The following SMAD4 variants were observed in gnomAD, a reference collection of about 807,000 sequenced individuals.
The protein encoded by SMAD4 is MAD homolog 4.
SMAD4 carries 7 observed loss-of-function variants against 63.2 expected under a neutral mutation model. The ratio of observed to expected loss-of-function variants is 0.11; its 90% CI spans 0.06 to 0.21. The LOEUF is 0.21. Among genes scored for constraint, SMAD4 ranks in the 10% least tolerant of loss-of-function variants. The pLI, the probability that SMAD4 is intolerant of heterozygous loss-of-function variation, is 1.00. For synonymous variants in SMAD4, 215 were observed against 235.4 expected (o/e 0.91, Z 0.79); for missense variants, 312 against 693.8 (o/e 0.45, Z 6.18).
chr18:51,039,557 C>T (rs1046162084), intron 1 of SMAD4, among the ~76,000 whole-genome samples: 3 of 139,670 alleles, frequency 2.1e-5, no homozygotes, highest in Non-Finnish European at 3.0e-5. Context: ...GCCTGCCTTG[C>T]GTTCTTTTTC....
At position 51,081,479 on chromosome 18, in the gene SMAD4, GC is replaced by G. The variant is rs1910611997; in HGVS notation, c.*3013del. The G allele has an allele frequency of 4.3e-6, 1 of 231,080 alleles. No homozygotes were observed. Among genetic ancestry groups the G allele is most frequent in the African/African-American group, 2.2e-5 (1 of 45,192 alleles). 14.3% of individuals were successfully genotyped at this position (231,080 alleles called of 1,614,324 possible). On this transcript the variant is annotated 3_prime_UTR_variant, in exon 12 of 12. Transcript: ENST00000342988. ...CAATAAATCACTGCCATATAACCTT[GC>G]TTTTTCCAGAAACATGGCTGTTTTG...
chr18:51,069,840 A>G (rs1230525815), intron 10 of SMAD4, among the ~76,000 whole-genome samples: 1 of 152,064 alleles, frequency 6.6e-6, no homozygotes, highest in Admixed American at 6.5e-5. Flanking sequence ...CTCTCTCCAT[A>G]TTATTCCAAG....
chr18:51,037,614 A>G (rs1909243526), intron 1 of SMAD4, among the ~76,000 whole-genome samples: 1 of 152,248 alleles, frequency 6.6e-6, no homozygotes, highest in African/African-American at 2.4e-5. Flanking sequence ...TCTTTTTAAT[A>G]GTGTGATTAA....
intron 2 of SMAD4, among the ~76,000 whole-genome samples, chr18:51,047,848 A>G (rs1909593240): frequency 1.3e-5 from 2 of 152,070 alleles, no homozygotes; most frequent in Non-Finnish European, 2.9e-5. Context: ...ACCTCAGGTG[A>G]TCCACCCGCC....
At position 51,058,341 on chromosome 18, in the gene SMAD4, C is replaced by T. The variant is rs763510526; in HGVS notation, c.789C>T (p.Asn263=). Residue 263 remains asparagine (N), a splice_region_variant and synonymous_variant, in exon 7 of 12, where the codon AAC becomes AAT. Transcript: ENST00000342988. ...FTGQPATYHH[N]STTTWTGSRT... ...ACCCATGTGGGCCTTAATTTTTAGA[C>T]AGCACTACCACCTGGACTGGAAGTA... 16 of 1,613,674 alleles carry T rather than the reference C, an allele frequency of 9.9e-6. No individual in the cohort carries two copies. Among genetic ancestry groups the T allele is most frequent in the Non-Finnish European group, 1.4e-5 (16 of 1,179,712 alleles).
At chr18:51,038,022 T>C (rs1407588420) in intron 1 of SMAD4, among the ~76,000 whole-genome samples, 1 of 152,172 alleles carries the variant, frequency 6.6e-6, no homozygotes, top group African/African-American at 2.4e-5. Context: ...GGCACGATGA[T>C]GCACACCCAT....
intron 1 of SMAD4, among the ~76,000 whole-genome samples, chr18:51,041,955 C>T (rs1056990637): frequency 6.6e-6 from 1 of 152,136 alleles, no homozygotes; most frequent in Non-Finnish European, 1.5e-5. Context: ...CATTTATAGT[C>T]CCAAATCACT....
intron 1 of SMAD4, among the ~76,000 whole-genome samples, chr18:51,034,250 C>CTTTTTTTTT (rs1430594791): frequency 2.4e-5 from 3 of 126,290 alleles, no homozygotes; most frequent in Admixed American, 8.1e-5. Context: ...TCTTCTTTTT[C>CTTTTTTTTT]TTTTTTTTTT....
In SMAD4 at chr18:51,059,850, G is replaced by T. The variant is rs968227540; in HGVS notation, c.905-16G>T. 1 of 1,604,864 alleles carries T rather than the reference G, an allele frequency of 6.2e-7. No individual in the cohort carries two copies. The highest frequency in any genetic ancestry group is 8.5e-7 in the Non-Finnish European group (1 of 1,172,730). ...TTTAGTAAATAAAAATGGAATTTTT[G>T]TTGTCTTTTCTTTAGGGCCTGTTCA... On this transcript the variant is annotated splice_polypyrimidine_tract_variant and intron_variant, in intron 7 of 11. Transcript: ENST00000342988.
chr18:51,059,829 G>A (rs2144432884), intron 7 of SMAD4, 37 bp from the exon 8 acceptor site: 1 of 1,547,146 alleles, frequency 6.5e-7, no homozygotes, highest in Non-Finnish European at 8.9e-7. Flanking sequence ...ACAACTTTTA[G>A]TAAATAAAAA....
intron 1 of SMAD4, among the ~76,000 whole-genome samples, chr18:51,037,196 A>G (rs542123722): frequency 8.5e-5 from 13 of 152,232 alleles, no homozygotes; most frequent in Non-Finnish European, 1.6e-4. Context: ...AAACAAAAAA[A>G]GTTTTATAAA....
intron 11 of SMAD4, chr18:51,077,536 G>A (rs1910501126): frequency 5.0e-6 from 1 of 198,600 alleles, no homozygotes; most frequent in African/African-American, 2.4e-5. Flanking sequence ...TGGACTATAT[G>A]ACTGTATGTT....
chr18:51,074,231 A>AG (rs759175186), intron 10 of SMAD4, among the ~76,000 whole-genome samples: 5 of 151,222 alleles, frequency 3.3e-5, no homozygotes, highest in South Asian at 2.1e-4. Flanking sequence ...AAAAAAAAAA[A>AG]TTAGCCAGGC....
chr18:51,055,109 A>G, intron 5 of SMAD4, 116 bp downstream of exon 5: 2 of 793,082 alleles, frequency 2.5e-6, no homozygotes, highest in Non-Finnish European at 4.5e-6. Flanking sequence ...TAACTGTAGT[A>G]TCTTTCATAG....
chr18:51,044,207 C>T (rs991502647), intron 1 of SMAD4, among the ~76,000 whole-genome samples: 9 of 151,786 alleles, frequency 5.9e-5, no homozygotes, highest in Non-Finnish European at 2.9e-5. Flanking sequence ...TGCAGTGGCA[C>T]AATCATAACT....
rs981382760 is a variant in SMAD4, at chr18:51,080,343, G to A, written c.*1876G>A. 1.3e-5 allele frequency: 3 copies of A among 231,690 alleles called. No homozygotes were observed. The highest frequency in any genetic ancestry group is 4.4e-5 in the African/African-American group (2 of 45,276). 14.4% of individuals were successfully genotyped at this position (231,690 alleles called of 1,614,324 possible). ...TCTTGATTACTTACAAATTCTTTCA[G>A]TAAACACCTAATTTTCTTCTGTAAA... On this transcript the variant is annotated 3_prime_UTR_variant, in exon 12 of 12. Coordinates refer to ENST00000342988, the MANE Select transcript of SMAD4 (RefSeq NM_005359.6).
chr18:51,065,705 T>C, intron 9 of SMAD4, 99 bp downstream of exon 9: 1 of 919,808 alleles, frequency 1.1e-6, no homozygotes, highest in South Asian at 1.7e-5. Context: ...ATATGTGTTC[T>C]TAAATATAAA....
Position 51,047,952 on chromosome 18 carries a change from G to A in SMAD4, c.249+657G>A, listed in dbSNP as rs563352875. Among the ~76,000 whole-genome samples, 20 of 152,082 alleles carry A rather than the reference G, an allele frequency of 1.3e-4. No homozygotes were observed. The South Asian group carries it at 2.9e-3, about 22-fold the overall frequency. On this transcript the variant is annotated intron_variant, in intron 2 of 11. Coordinates refer to ENST00000342988, the MANE Select transcript of SMAD4 (RefSeq NM_005359.6). ...ATATTGTATGTACATTTAAACAACC[G>A]GATTACACTTAGTCCTTTTATAATT...
At chr18:51,063,466 G>A (rs1211167831) in intron 8 of SMAD4, among the ~76,000 whole-genome samples, 2 of 152,194 alleles carry the variant, frequency 1.3e-5, no homozygotes, top group East Asian at 3.9e-4. Context: ...GGGCTGGAGT[G>A]CAGTGGCACT....
Sources: gnomAD v4.1 joint callset for allele counts (sites outside exome capture counted in the v4.1 genomes callset) on GRCh38, gnomAD v4.1.1 for gene constraint, MANE v1.5 for transcripts, NCBI Gene and HGNC (gene_info 2026-07-23, HGNC 2026-07-21) for gene names.